GRIK1: variants seen among roughly 807,000 people sequenced by gnomAD.
GRIK1 encodes glutamate ionotropic receptor kainate type subunit 1.
In GRIK1, 69 loss-of-function variants were observed where a neutral mutation model predicts 105.7. The observed-to-expected ratio is 0.65, with a 90% CI of 0.54 to 0.80. The LOEUF (loss-of-function observed/expected upper bound fraction) is 0.80. Among genes scored for constraint, GRIK1 ranks in the 30% least tolerant of loss-of-function variants. The pLI is 0.00. For synonymous variants in GRIK1, 438 were observed against 431.3 expected, an observed-to-expected ratio of 1.02 and a Z score of -0.19; for missense variants, 1,109 against 1,167.3, an observed-to-expected ratio of 0.95 and a Z score of 0.73.
intron 1 of GRIK1, among the ~76,000 whole-genome samples, chr21:29,765,062 A>T (rs921257213): frequency 1.3e-5 from 2 of 152,186 alleles, no homozygotes; most frequent in African/African-American, 4.8e-5. Flanking sequence ...AGTGAGATAT[A>T]TTTCCTTTAA....
intron 1 of GRIK1, among the ~76,000 whole-genome samples, chr21:29,874,463 C>T (rs1414918789): frequency 6.6e-6 from 1 of 152,140 alleles, no homozygotes; most frequent in Non-Finnish European, 1.5e-5. Context: ...ATTAGCTGAA[C>T]TGTTTGTCCC....
At chr21:29,903,328 C>A (rs1441231771) in intron 1 of GRIK1, among the ~76,000 whole-genome samples, 1 of 152,180 alleles carries the variant, frequency 6.6e-6, no homozygotes. Context: ...AAGAAATTAT[C>A]ATCAGAGTGA....
intron 1 of GRIK1, among the ~76,000 whole-genome samples, chr21:29,841,334 C>G (rs1601827251): frequency 6.6e-6 from 1 of 152,124 alleles, no homozygotes; most frequent in Non-Finnish European, 1.5e-5. Context: ...TGGCTTCTTT[C>G]TGTTTGGCAA....
At chr21:29,563,105 CCAGTTATCA>C (rs2090523649) in intron 14 of GRIK1, among the ~76,000 whole-genome samples, 1 of 152,054 alleles carries the variant, frequency 6.6e-6, no homozygotes, top group East Asian at 1.9e-4. Context: ...TAAGCTAACC[CCAGTTATCA>C]CAGTTATATA....
intron 1 of GRIK1, among the ~76,000 whole-genome samples, chr21:29,883,813 A>G (rs1413446260): frequency 6.6e-6 from 1 of 152,040 alleles, no homozygotes; most frequent in Admixed American, 6.6e-5. Flanking sequence ...CACATTTCAA[A>G]ATCTCCCAGC....
rs778670408 is a variant in GRIK1, at chr21:29,642,861, G to A, written c.1063C>T (p.Arg355Cys). Residue 355 changes from arginine to cysteine, a missense_variant, in exon 7 of 18, where the codon CGC (arginine) becomes TGC (cysteine). Coordinates refer to ENST00000327783, the MANE Select transcript of GRIK1 (RefSeq NM_001330994.2). Reference sequence around the variant, plus strand: ...AGGTTCATAAATCTGGGTCCGAGGCGCCATGGCTTATGTCTATGGCACTGC... The same window carrying A: ...AGGTTCATAAATCTGGGTCCGAGGCACCATGGCTTATGTCTATGGCACTGC... Reference protein sequence around the residue: ...SLQCHRHKPWRLGPRFMNLIK... With the variant: ...SLQCHRHKPWCLGPRFMNLIK... 10 of 1,613,900 alleles carry A rather than the reference G, an allele frequency of 6.2e-6. No homozygotes were observed. The highest frequency in any genetic ancestry group is 3.3e-5 in the Admixed American group (2 of 59,998).
intron 1 of GRIK1, among the ~76,000 whole-genome samples, chr21:29,747,944 C>A (rs2065087702): frequency 6.6e-6 from 1 of 151,996 alleles, no homozygotes; most frequent in African/African-American, 2.4e-5. Context: ...TTACAGCAAC[C>A]TTTTTCTCCC....
intron 4 of GRIK1, among the ~76,000 whole-genome samples, chr21:29,666,596 T>G (rs1428515257): frequency 6.6e-6 from 1 of 152,138 alleles, no homozygotes; most frequent in Non-Finnish European, 1.5e-5. Context: ...TCCAACACCT[T>G]CAATCAGTGC....
In GRIK1 at chr21:29,909,340, C is replaced by T. The variant is rs1025986422; in HGVS notation, c.118+30043G>A. On this transcript the variant is annotated intron_variant, in intron 1 of 17. Transcript: ENST00000327783. ...AAATATTTAATCAAATTATTGGCTC[C>T]TTTGTGAGGTTTTATAGTAGTTAAT... is the stretch of plus-strand genomic sequence containing the variant. Among the ~76,000 whole-genome samples, 4 of 151,754 alleles carry T rather than the reference C, an allele frequency of 2.6e-5. No individual in the cohort carries two copies. In the East Asian group the frequency reaches 7.7e-4, roughly 29 times the overall value.
chr21:29,623,864 C>T (rs1042148187), intron 7 of GRIK1, among the ~76,000 whole-genome samples: 1 of 152,266 alleles, frequency 6.6e-6, no homozygotes, highest in African/African-American at 2.4e-5. Context: ...TTGTCTAATG[C>T]CAAAGTAATC....
intron 1 of GRIK1, among the ~76,000 whole-genome samples, chr21:29,811,091 G>A (rs2066998259): frequency 6.6e-6 from 1 of 152,092 alleles, no homozygotes; most frequent in Non-Finnish European, 1.5e-5. Flanking sequence ...GGTGCTCGCT[G>A]CTGCTGGCTC....
intron 7 of GRIK1, among the ~76,000 whole-genome samples, chr21:29,625,449 C>T (rs2062103586): frequency 2.0e-5 from 3 of 152,128 alleles, no homozygotes; most frequent in Admixed American, 6.6e-5. Flanking sequence ...TAACCTCTTA[C>T]CATACTTCAT....
intron 7 of GRIK1, among the ~76,000 whole-genome samples, chr21:29,617,040 A>G (rs1237569340): frequency 6.6e-6 from 1 of 152,206 alleles, no homozygotes; most frequent in Non-Finnish European, 1.5e-5. Context: ...AAAACATTTT[A>G]TAATAAGTAA....
chr21:29,613,485 G>C (rs2061773982), intron 7 of GRIK1, among the ~76,000 whole-genome samples: 1 of 152,128 alleles, frequency 6.6e-6, no homozygotes. Context: ...ATAGATCTTT[G>C]TCTGATACTC....
intron 7 of GRIK1, among the ~76,000 whole-genome samples, chr21:29,606,956 T>C (rs1601248557): frequency 6.6e-6 from 1 of 152,334 alleles, no homozygotes; most frequent in Non-Finnish European, 1.5e-5. Context: ...TGTGCCACTT[T>C]CACTGCCTAC....
At chr21:29,757,923 G>A (rs2065393288) in intron 1 of GRIK1, among the ~76,000 whole-genome samples, 1 of 152,186 alleles carries the variant, frequency 6.6e-6, no homozygotes, top group Non-Finnish European at 1.5e-5. Flanking sequence ...TTATATTCTT[G>A]AAATAGATTG....
At chr21:29,538,591 C>T (rs921381845) in intron 16 of GRIK1, among the ~76,000 whole-genome samples, 5 of 151,028 alleles carry the variant, frequency 3.3e-5, no homozygotes, top group Non-Finnish European at 7.4e-5. Flanking sequence ...AAAAAAAAAT[C>T]CTCTAAAAAC....
chr21:29,546,397 T>G (rs993070618), intron 16 of GRIK1, among the ~76,000 whole-genome samples: 2 of 152,238 alleles, frequency 1.3e-5, no homozygotes, highest in African/African-American at 4.8e-5. Context: ...ACAAGTCTTA[T>G]CACCTCCTGG....
At chr21:29,894,709 T>TTTAGCCTGAAAG (rs1181816793) in intron 1 of GRIK1, among the ~76,000 whole-genome samples, 1 of 152,166 alleles carries the variant, frequency 6.6e-6, no homozygotes, top group Non-Finnish European at 1.5e-5. Flanking sequence ...CTATGTGCAC[T>TTTAGCCTGAAAG]TTAGCCTGAA....
Sources: gnomAD v4.1 joint callset for allele counts (sites outside exome capture counted in the v4.1 genomes callset) on GRCh38, gnomAD v4.1.1 for gene constraint, MANE v1.5 for transcripts, NCBI Gene and HGNC (gene_info 2026-07-23, HGNC 2026-07-21) for gene names.